RBFOX2: variants seen among roughly 807,000 people sequenced by gnomAD.
The protein encoded by RBFOX2 is RNA binding protein fox-1 homolog 2.
In RBFOX2, 10 loss-of-function variants were observed where a neutral mutation model predicts 49.1. The observed-to-expected ratio is 0.20, with a 90% confidence interval of 0.13 to 0.35. RBFOX2 has a LOEUF of 0.35. RBFOX2 is among the 10% of genes least tolerant of loss of function. RBFOX2 has a pLI of 1.00. For missense variants in RBFOX2, 323 were observed against 486.9 expected, an observed-to-expected ratio of 0.66 and a Z score of 3.17; for synonymous variants, 183 against 187.4, an observed-to-expected ratio of 0.98 and a Z score of 0.19.
At chr22:35,777,010 A>C (rs911766047) in intron 4 of RBFOX2, among the ~76,000 whole-genome samples, 4 of 151,764 alleles carry the variant, frequency 2.6e-5, no homozygotes, top group East Asian at 3.9e-4. Context: ...TAAATAGGGG[A>C]AATAATTTTT....
chr22:35,881,046 C>T (rs543092801), intron 1 of RBFOX2, among the ~76,000 whole-genome samples: 2 of 151,640 alleles, frequency 1.3e-5, no homozygotes, highest in South Asian at 4.2e-4. Context: ...GGGCGGATCA[C>T]GAGGTCAGGA....
chr22:35,933,042 A>G (rs903282339), intron 1 of RBFOX2, among the ~76,000 whole-genome samples: 1 of 152,216 alleles, frequency 6.6e-6, no homozygotes, highest in African/African-American at 2.4e-5. Flanking sequence ...AGATTCCAGA[A>G]TATCTTATCT....
At chr22:35,840,649 T>TGTGTGC, upstream of RBFOX2, 2 of 1,048,082 alleles carry the variant, frequency 1.9e-6, no homozygotes, top group South Asian at 7.5e-5. Context: ...TGTGTGTGTG[T>TGTGTGC]GTGTGTGTAG....
At chr22:35,794,208 T>C (rs1948324976) in intron 2 of RBFOX2, among the ~76,000 whole-genome samples, 1 of 151,940 alleles carries the variant, frequency 6.6e-6, no homozygotes, top group Non-Finnish European at 1.5e-5. Context: ...TCTATGGATG[T>C]CTTTTTTTTT....
At chr22:35,946,340 G>A (rs2054274690) in intron 1 of RBFOX2, among the ~76,000 whole-genome samples, 1 of 152,164 alleles carries the variant, frequency 6.6e-6, no homozygotes. Flanking sequence ...GCAATAGAAA[G>A]GTTGGACGGA....
At chr22:35,766,670 C>T (rs1171376196) in intron 5 of RBFOX2, among the ~76,000 whole-genome samples, 1 of 152,104 alleles carries the variant, frequency 6.6e-6, no homozygotes, top group African/African-American at 2.4e-5. Context: ...AAAACACACA[C>T]ACACAAATAA....
intron 1 of RBFOX2, among the ~76,000 whole-genome samples, chr22:35,902,794 G>T (rs562708499): frequency 6.8e-6 from 1 of 147,482 alleles, no homozygotes; most frequent in Non-Finnish European, 1.5e-5. Flanking sequence ...ACATGCACAT[G>T]CCACCACGCC....
At chr22:35,864,881 C>G (rs1401037594) in intron 1 of RBFOX2, among the ~76,000 whole-genome samples, 2 of 152,206 alleles carry the variant, frequency 1.3e-5, no homozygotes, top group Non-Finnish European at 2.9e-5. Context: ...GAAATAACAT[C>G]CCACTTTCAG....
intron 1 of RBFOX2, among the ~76,000 whole-genome samples, 182 bp from the exon 3 acceptor site, chr22:35,810,186 CAG>C (rs1455394440): frequency 2.8e-4 from 20 of 72,720 alleles, no homozygotes; most frequent in Middle Eastern, 0.012. Flanking sequence ...TGTATGTGGA[CAG>C]ACACACACAC....
chr22:35,986,661 T>C (rs1027999865), intron 1 of RBFOX2, among the ~76,000 whole-genome samples: 1 of 152,044 alleles, frequency 6.6e-6, no homozygotes, highest in Non-Finnish European at 1.5e-5. Flanking sequence ...CCAAAGTAAA[T>C]GAGATAATGG....
At chr22:35,777,261 C>T (rs1428860023) in intron 4 of RBFOX2, among the ~76,000 whole-genome samples, 4 of 152,212 alleles carry the variant, frequency 2.6e-5, no homozygotes, top group Non-Finnish European at 5.9e-5. Flanking sequence ...ATCCGCCCGC[C>T]TCAGCCTCCC....
chr22:36,019,097 A>C (rs2059151221), intron 1 of RBFOX2, among the ~76,000 whole-genome samples: 1 of 152,150 alleles, frequency 6.6e-6, no homozygotes, highest in Non-Finnish European at 1.5e-5. Flanking sequence ...TTGAAACACG[A>C]CATTTTTACT....
chr22:35,839,211 T>G (rs1294642462), intron 1 of RBFOX2, among the ~76,000 whole-genome samples: 1 of 152,224 alleles, frequency 6.6e-6, no homozygotes, highest in Non-Finnish European at 1.5e-5. Flanking sequence ...CATCATTTCC[T>G]CTTAACCTAT....
chr22:35,871,398 T>A (rs2044339066), intron 1 of RBFOX2, among the ~76,000 whole-genome samples: 3 of 152,186 alleles, frequency 2.0e-5, no homozygotes, highest in African/African-American at 7.2e-5. Context: ...TCAGACTGCA[T>A]AACCTCAATA....
intron 1 of RBFOX2, among the ~76,000 whole-genome samples, chr22:35,987,716 C>T (rs1032225745): frequency 6.6e-6 from 1 of 152,150 alleles, no homozygotes; most frequent in Non-Finnish European, 1.5e-5. Flanking sequence ...GCAATCACAC[C>T]AGATGGAACT....
intron 1 of RBFOX2, among the ~76,000 whole-genome samples, chr22:35,956,221 C>A (rs1569511014): frequency 6.6e-6 from 1 of 152,224 alleles, no homozygotes; most frequent in African/African-American, 2.4e-5. Flanking sequence ...CCAATCTCAT[C>A]TGAAAAGTCT....
intron 1 of RBFOX2, among the ~76,000 whole-genome samples, chr22:35,810,643 T>G (rs1951693041): frequency 6.6e-6 from 1 of 152,152 alleles, no homozygotes; most frequent in Admixed American, 6.5e-5. Context: ...AAATTCACAT[T>G]AACATCAAAG....
chr22:35,866,216 A>T (rs2103828), intron 1 of RBFOX2, among the ~76,000 whole-genome samples: 1 of 152,240 alleles, frequency 6.6e-6, no homozygotes. Flanking sequence ...GGTTTATTCA[A>T]ACTGCATAAT....
rs780725610 is a variant in RBFOX2 at position 35,778,106 on chromosome 22, C to T, written c.400-28G>A. ...GCAGAGATAAAAATAAAAACGTTTA[C>T]TTATGGTCAGGTTTTTATCCACATA... On this transcript the variant is annotated intron_variant, in intron 3 of 11. Transcript: ENST00000405409. The T allele has an allele frequency of 1.4e-5, 22 of 1,572,962 alleles. No individual in the cohort carries two copies. In the African/African-American group the frequency reaches 2.5e-4, roughly 18 times the overall value.
Sources: gnomAD v4.1 joint callset for allele counts (sites outside exome capture counted in the v4.1 genomes callset) on GRCh38, gnomAD v4.1.1 for gene constraint, MANE v1.5 for transcripts, NCBI Gene and HGNC (gene_info 2026-07-23, HGNC 2026-07-21) for gene names.